The following RALGAPA2 variants were observed in gnomAD, a reference collection of about 807,000 sequenced individuals.
RALGAPA2 encodes the protein Ral GTPase activating protein catalytic subunit alpha 2, also known as ral GTPase-activating protein subunit alpha-2.
In RALGAPA2, 139 loss-of-function variants were observed where a neutral mutation model predicts 230.4. The ratio of observed to expected loss-of-function variants is 0.60; its 90% confidence interval spans 0.53 to 0.69. RALGAPA2 has a LOEUF of 0.69. Among genes scored for constraint, RALGAPA2 ranks in the 30% least tolerant of loss-of-function variants. The pLI, the probability that RALGAPA2 is intolerant of heterozygous loss-of-function variation, is 0.00. For missense variants in RALGAPA2, 2,163 were observed against 2,276.0 expected, an observed-to-expected ratio of 0.95 and a Z score of 1.01; for synonymous variants, 847 against 837.8, an observed-to-expected ratio of 1.01 and a Z score of -0.19.
chr20:20,456,271 A>G (rs2061116444), intron 37 of RALGAPA2, among the ~76,000 whole-genome samples: 1 of 152,236 alleles, frequency 6.6e-6, no homozygotes, highest in South Asian at 2.1e-4. Flanking sequence ...CTGACTTCTT[A>G]TGATGTTAGA....
chr20:20,559,779 T>C (rs1485752562), intron 23 of RALGAPA2, among the ~76,000 whole-genome samples: 1 of 152,158 alleles, frequency 6.6e-6, no homozygotes, highest in Non-Finnish European at 1.5e-5. Context: ...ATTTGATAGC[T>C]GAACTTGGGC....
chr20:20,490,110 C>T (rs181698294), intron 36 of RALGAPA2, among the ~76,000 whole-genome samples: 28 of 152,332 alleles, frequency 1.8e-4, no homozygotes, highest in Non-Finnish European at 2.9e-5. Context: ...TATAGATTTT[C>T]TTCCATCTGT....
intron 36 of RALGAPA2, among the ~76,000 whole-genome samples, chr20:20,487,275 GA>G (rs1230442493): frequency 6.6e-6 from 1 of 152,140 alleles, no homozygotes; most frequent in African/African-American, 2.4e-5. Flanking sequence ...AAATTTCTTT[GA>G]ATGACCTTGC....
At chr20:20,632,930 A>T (rs1043315411) in intron 9 of RALGAPA2, among the ~76,000 whole-genome samples, 11 of 151,844 alleles carry the variant, frequency 7.2e-5, no homozygotes, top group African/African-American at 2.7e-4. Context: ...GGCCTTCTGT[A>T]GTCTTTAGAC....
At chr20:20,684,328 C>T (rs774740058) in intron 1 of RALGAPA2, among the ~76,000 whole-genome samples, 1 of 152,144 alleles carries the variant, frequency 6.6e-6, no homozygotes, top group Non-Finnish European at 1.5e-5. Context: ...GCACAGAAAG[C>T]TACTGGGAGA....
At chr20:20,510,357 C>T (rs1234709239) in intron 33 of RALGAPA2, among the ~76,000 whole-genome samples, 1 of 152,098 alleles carries the variant, frequency 6.6e-6, no homozygotes, top group Non-Finnish European at 1.5e-5. Flanking sequence ...CCTTTAAAAA[C>T]ATATAGATCA....
intron 20 of RALGAPA2, among the ~76,000 whole-genome samples, chr20:20,581,648 A>G (rs373659274): frequency 6.6e-6 from 1 of 152,192 alleles, no homozygotes; most frequent in Non-Finnish European, 1.5e-5. Context: ...TAAATGTTGA[A>G]TCTCATATCA....
intron 37 of RALGAPA2, among the ~76,000 whole-genome samples, chr20:20,460,893 G>A (rs1231134838): frequency 6.6e-6 from 1 of 152,182 alleles, no homozygotes; most frequent in Non-Finnish European, 1.5e-5. Context: ...GAGAGAAGGA[G>A]TGTGGAATCA....
At chr20:20,524,328 C>T in intron 30 of RALGAPA2, 78 bp downstream of exon 30, 1 of 1,539,076 alleles carries the variant, frequency 6.5e-7, no homozygotes, top group Middle Eastern at 1.7e-4. Flanking sequence ...CAAATAAGTA[C>T]ATGCATAAGA....
intron 23 of RALGAPA2, among the ~76,000 whole-genome samples, chr20:20,569,445 T>C (rs1017061059): frequency 1.4e-4 from 22 of 152,188 alleles, no homozygotes; most frequent in African/African-American, 5.1e-4. Context: ...CATTTCATCT[T>C]AGAAGTCTGA....
chr20:20,410,346 A>T (rs2060035136), intron 38 of RALGAPA2, among the ~76,000 whole-genome samples: 1 of 152,248 alleles, frequency 6.6e-6, no homozygotes, highest in Non-Finnish European at 1.5e-5. Flanking sequence ...TAATCTTAAG[A>T]ATGTAACAGT....
At chr20:20,503,321 C>G (rs750636531) in intron 35 of RALGAPA2, 30 bp downstream of exon 35, 1 of 1,484,216 alleles carries the variant, frequency 6.7e-7, no homozygotes, top group Non-Finnish European at 9.2e-7. Flanking sequence ...ACCAGGGCAG[C>G]TAAGAATGGT....
intron 24 of RALGAPA2, among the ~76,000 whole-genome samples, chr20:20,540,576 G>T (rs2063617749): frequency 1.3e-5 from 2 of 152,006 alleles, no homozygotes. Flanking sequence ...ATTTTTTGAA[G>T]TTTATATTTC....
At chr20:20,482,547 G>C (rs1162554565) in intron 36 of RALGAPA2, among the ~76,000 whole-genome samples, 1 of 152,076 alleles carries the variant, frequency 6.6e-6, no homozygotes, top group Non-Finnish European at 1.5e-5. Flanking sequence ...TCTAGCGCAG[G>C]GTTCCCCAAA....
intron 37 of RALGAPA2, among the ~76,000 whole-genome samples, chr20:20,455,634 A>G (rs528481803): frequency 3.1e-4 from 47 of 152,210 alleles, no homozygotes; most frequent in Non-Finnish European, 5.7e-4. Flanking sequence ...ATACATCTTT[A>G]AGAATGTTCC....
At chr20:20,602,813 C>CAT (rs368869136) in intron 15 of RALGAPA2, among the ~76,000 whole-genome samples, 5 of 147,676 alleles carry the variant, frequency 3.4e-5, no homozygotes, top group Admixed American at 3.4e-4. Context: ...GAATGGCAGG[C>CAT]GTGTGTGTGT....
rs1286064825 is a variant in RALGAPA2 at position 20,398,278 on chromosome 20, C to T, written c.5618-1544G>A. Among the ~76,000 whole-genome samples the T allele has an allele frequency of 6.6e-6, 1 of 152,164 alleles. No individual in the cohort carries two copies. The highest frequency in any genetic ancestry group is 1.5e-5 in the Non-Finnish European group (1 of 68,038). On this transcript the variant is annotated intron_variant, in intron 38 of 39. Coordinates refer to ENST00000202677, the MANE Select transcript of RALGAPA2 (RefSeq NM_020343.4). The surrounding 1 kb of genome is among the most constrained non-coding windows in gnomAD (Gnocchi z 4.5). ...CCTGGTTATGCTGTGCGTACAGGCA[C>T]CCGATTGGTAGAAACCAAGAAAGCA...
Position 20,535,748 on chromosome 20 carries a change from G to T in RALGAPA2, c.3470C>A (p.Ala1157Glu), listed in dbSNP as rs1200792242. 5 of 1,547,876 alleles carry T rather than the reference G, an allele frequency of 3.2e-6. No homozygotes were observed. Among genetic ancestry groups the T allele is most frequent in the Non-Finnish European group, 4.4e-6 (5 of 1,145,344 alleles). The stretch of plus-strand genomic sequence containing the variant: ...TTACCTCTTATTCAACATTTACCTT[G>T]CATATTCATTTGGTTCTTCTGTGGC... ...KNATEEPNEYARCIAVCSLGV... is the reference protein window; with the variant it reads ...KNATEEPNEYERCIAVCSLGV... The change falls in exon 26 of 40, where the codon GCA (alanine) becomes GAA (glutamate). Residue 1157 changes from alanine (A) to glutamate (E), a missense_variant. Physicochemically the swap from Ala to Glu is moderately radical, Grantham distance 107. Coordinates refer to ENST00000202677, the MANE Select transcript of RALGAPA2 (RefSeq NM_020343.4).
intron 18 of RALGAPA2, 56 bp downstream of exon 18, chr20:20,589,212 G>T: frequency 6.7e-7 from 1 of 1,499,268 alleles, no homozygotes; most frequent in Non-Finnish European, 8.9e-7. Context: ...TACTTACTGA[G>T]CACTAATTAA....
Sources: gnomAD v4.1 joint callset for allele counts (sites outside exome capture counted in the v4.1 genomes callset) on GRCh38, gnomAD v4.1.1 for gene constraint, Gnocchi (gnomAD v3.1) non-coding constraint, MANE v1.5 for transcripts, NCBI Gene and HGNC (gene_info 2026-07-23, HGNC 2026-07-21) for gene names.